Variants in IL16 observed in about 807,000 individuals in gnomAD.
IL16 encodes pro-interleukin-16.
In IL16, 67 loss-of-function variants were observed where a neutral mutation model predicts 110.1. The ratio of observed to expected loss-of-function variants is 0.61; its 90% CI spans 0.50 to 0.75. The LOEUF is 0.75. Among genes scored for constraint, IL16 ranks in the 30% least tolerant of loss-of-function variants. IL16 has a pLI of 0.00. For synonymous variants in IL16, 689 were observed against 662.9 expected (o/e 1.04, Z -0.61); for missense variants, 1,545 against 1,655.0 (o/e 0.93, Z 1.15).
At chr15:81,233,408 A>G (rs371745756) in intron 2 of IL16, among the ~76,000 whole-genome samples, 2 of 152,000 alleles carry the variant, frequency 1.3e-5, no homozygotes, top group South Asian at 2.1e-4. Flanking sequence ...GGTAAAAACC[A>G]TAGTGATGTT....
At chr15:81,297,971 C>A (rs968870558) in intron 13 of IL16, among the ~76,000 whole-genome samples, 8 of 152,178 alleles carry the variant, frequency 5.3e-5, no homozygotes, top group African/African-American at 1.9e-4. Flanking sequence ...CACATCTCAC[C>A]CAGAGCAGAG....
At chr15:81,279,465 TAC>T (rs1899067620) in intron 7 of IL16, 91 bp from the exon 8 acceptor site, 30 of 784,444 alleles carry the variant, frequency 3.8e-5, no homozygotes, top group Non-Finnish European at 5.3e-5. Flanking sequence ...TTCATACACA[TAC>T]ACACACACAG....
chr15:81,302,553 TG>T (rs558780462), intron 15 of IL16, among the ~76,000 whole-genome samples: 85 of 152,262 alleles, frequency 5.6e-4, no homozygotes, highest in African/African-American at 2.0e-3. Flanking sequence ...TCCATGCCTT[TG>T]GGTCTTAGGG....
intron 1 of IL16, among the ~76,000 whole-genome samples, chr15:81,217,713 T>C (rs1896481298): frequency 6.6e-6 from 1 of 152,126 alleles, no homozygotes; most frequent in Admixed American, 6.5e-5. Context: ...TAACAAAATA[T>C]AAGTAGCTCA....
intron 7 of IL16, among the ~76,000 whole-genome samples, chr15:81,279,262 T>A (rs1036588428): frequency 7.2e-5 from 11 of 151,946 alleles, no homozygotes; most frequent in African/African-American, 4.8e-5. Context: ...TCAATCAATC[T>A]ATCTATCTAT....
upstream of IL16, among the ~76,000 whole-genome samples, chr15:81,194,503 AT>A (rs564252909): frequency 2.2e-3 from 326 of 151,470 alleles, 1 homozygote; most frequent in African/African-American, 7.0e-3. Flanking sequence ...TAAAATTAAA[AT>A]TTTTTAAATT....
At chr15:81,268,634 T>A (rs1201260167) in intron 4 of IL16, among the ~76,000 whole-genome samples, 1 of 152,280 alleles carries the variant, frequency 6.6e-6, no homozygotes, top group African/African-American at 2.4e-5. Flanking sequence ...CATTCACAGC[T>A]GATGTGTCTG....
chr15:81,254,347 C>G (rs4530081), intron 2 of IL16, among the ~76,000 whole-genome samples: 26 of 152,272 alleles, frequency 1.7e-4, no homozygotes, highest in African/African-American at 6.3e-4. Context: ...ACACAATGCC[C>G]CAGAATTCTC....
intron 6 of IL16, among the ~76,000 whole-genome samples, chr15:81,277,948 T>C (rs1281252603): frequency 6.6e-6 from 1 of 152,142 alleles, no homozygotes; most frequent in Admixed American, 6.5e-5. Context: ...CACATAGAAA[T>C]GGATTTTTGG....
intron 2 of IL16, among the ~76,000 whole-genome samples, chr15:81,254,217 G>A (rs1897867829): frequency 1.3e-5 from 2 of 152,196 alleles, no homozygotes; most frequent in Admixed American, 1.3e-4. Flanking sequence ...GCTTCTGTCA[G>A]TAATGCCAGT....
At chr15:81,259,514 G>A (rs919619252) in intron 2 of IL16, among the ~76,000 whole-genome samples, 1 of 152,168 alleles carries the variant, frequency 6.6e-6, no homozygotes, top group African/African-American at 2.4e-5. Flanking sequence ...ATAGCTGAAG[G>A]ATTCATTCAA....
rs1227498979 is a variant in IL16, at chr15:81,301,409, A to G, written c.3215A>G (p.His1072Arg). 6.2e-7 allele frequency: 1 copy of G among 1,613,868 alleles called. No homozygotes were observed. The highest frequency in any genetic ancestry group is 8.5e-7 in the Non-Finnish European group (1 of 1,179,702). ...GCCAAGGAAGACGATGATGGGGACC[A>G]CAGTTCCCTTCAGTCTGGTCAGTCC... ...TEAKEDDDGD[H>R]SSLQSGQSVI... Residue 1072 changes from histidine (H) to arginine (R), a missense_variant, in exon 15 of 19, where the codon CAC (histidine) becomes CGC (arginine). By Grantham distance (29) the His-to-Arg change is conservative (BLOSUM62 0). Transcript: ENST00000683961.
rs375587499 is a variant in IL16, at chr15:81,297,051, G to A, written c.2026G>A (p.Glu676Lys). Residue 676 changes from glutamate to lysine, a missense_variant, in exon 13 of 19, where the codon GAG becomes AAG. Coordinates refer to ENST00000683961, the MANE Select transcript of IL16 (RefSeq NM_172217.5). Reference sequence around the variant, plus strand: ...ACAGACCAAGTCCTCCACAGAGGGCGAGCCAGGGTGGAGAAGAGCCAGCCC... The same window carrying A: ...ACAGACCAAGTCCTCCACAGAGGGCAAGCCAGGGTGGAGAAGAGCCAGCCC... ...GPQTKSSTEGEPGWRRASPVT... is the reference protein window; with the variant it reads ...GPQTKSSTEGKPGWRRASPVT... The A allele has an allele frequency of 1.1e-5, 17 of 1,613,136 alleles. No homozygotes were observed. The highest frequency in any genetic ancestry group is 1.7e-5 in the Admixed American group (1 of 59,770).
intron 2 of IL16, among the ~76,000 whole-genome samples, chr15:81,236,362 G>C (rs1897176132): frequency 6.6e-6 from 1 of 152,138 alleles, no homozygotes; most frequent in Admixed American, 6.5e-5. Flanking sequence ...GCCACTGAGA[G>C]GGAAGCTTAG....
upstream of IL16, among the ~76,000 whole-genome samples, chr15:81,195,682 C>A (rs913125094): frequency 4.6e-5 from 7 of 152,120 alleles, no homozygotes; most frequent in African/African-American, 1.7e-4. Context: ...TCATTAAAGC[C>A]CCCAGGAAGC....
intron 2 of IL16, among the ~76,000 whole-genome samples, chr15:81,233,367 G>A (rs57339951): frequency 0.055 from 8,332 of 151,874 alleles, 824 homozygotes; most frequent in African/African-American, 0.19. Context: ...ATTGATGTGC[G>A]TGTGTGTATA....
rs539995354 is a variant in IL16 at position 81,299,558 on chromosome 15, G to A, written c.2232G>A (p.Leu744=). 1.2e-6 allele frequency: 2 copies of A among 1,614,178 alleles called. No homozygotes were observed. The highest frequency in any genetic ancestry group is 1.7e-6 in the Non-Finnish European group (2 of 1,180,038). ...GHMPLQPNAS[L]NEEEGTQGHP... ...TGCCTCTACAGCCCAATGCCAGCCT[G>A]AATGAAGAAGAAGGGACACAGGGCC... Residue 744 remains leucine (L), a synonymous_variant, in exon 14 of 19, where the codon CTG becomes CTA. Coordinates refer to ENST00000683961, the MANE Select transcript of IL16 (RefSeq NM_172217.5).
At chr15:81,279,041 A>G (rs1356278956) in intron 7 of IL16, 151 bp downstream of exon 7, 14 of 636,736 alleles carry the variant, frequency 2.2e-5, no homozygotes, top group Admixed American at 5.5e-5. Flanking sequence ...TTAAAAGAAG[A>G]CCTGACTCAG....
At chr15:81,222,736 ACACT>A (rs1896658328) in intron 1 of IL16, among the ~76,000 whole-genome samples, 3 of 129,398 alleles carry the variant, frequency 2.3e-5, no homozygotes, top group East Asian at 2.7e-4. Flanking sequence ...TGACCAACAC[ACACT>A]CACAGACACA....
Sources: allele counts gnomAD v4.1 joint callset (sites outside exome capture counted in the v4.1 genomes callset), GRCh38; gene constraint gnomAD v4.1.1; transcripts MANE v1.5; gene names NCBI Gene and HGNC (gene_info 2026-07-23, HGNC 2026-07-21).